Variants in MPPED2 observed in about 807,000 individuals in gnomAD.
MPPED2 encodes metallophosphoesterase domain containing 2.
Under a neutral mutation model 33.0 loss-of-function variants are expected in MPPED2, and 5 were observed. The observed-to-expected ratio is 0.15, with a 90% CI of 0.08 to 0.32. The LOEUF (loss-of-function observed/expected upper bound fraction) is 0.32, where lower values mean the gene tolerates loss of function less well. Ranked by LOEUF, MPPED2 falls within the 10% of genes least tolerant of loss-of-function variation. The probability of loss-of-function intolerance (pLI) is 1.00; values close to 1 mark genes in which losing one functional copy is unlikely to be tolerated. For synonymous variants in MPPED2, 136 were observed against 141.9 expected, an observed-to-expected ratio of 0.96 and a Z score of 0.29; for missense variants, 275 against 372.1, an observed-to-expected ratio of 0.74 and a Z score of 2.15.
At chr11:30,481,485 A>G (rs1951484102) in intron 4 of MPPED2, among the ~76,000 whole-genome samples, 1 of 152,208 alleles carries the variant, frequency 6.6e-6, no homozygotes. Context: ...GCTCTTGAAC[A>G]AAAGCATCCA....
Position 30,520,141 on chromosome 11 carries a change from G to A in MPPED2, c.310+15853C>T, listed in dbSNP as rs529778922. Among the ~76,000 whole-genome samples the A allele has an allele frequency of 3.3e-5, 5 of 152,120 alleles. No homozygotes were observed. The South Asian group carries it at 1.0e-3, about 32-fold the overall frequency. On this transcript the variant is annotated intron_variant, in intron 3 of 6. Transcript: ENST00000358117. ...GAGACAACACAGTTTAATTGTACAC[G>A]TTTATCCTGAAATTAGAAAAAAAGA...
At chr11:30,520,251 G>A (rs1565148642) in intron 3 of MPPED2, among the ~76,000 whole-genome samples, 1 of 152,090 alleles carries the variant, frequency 6.6e-6, no homozygotes, top group Non-Finnish European at 1.5e-5. Context: ...GTTTCATAAT[G>A]TACACAAAAC....
chr11:30,512,420 G>T (rs1462855754), intron 3 of MPPED2, among the ~76,000 whole-genome samples: 1 of 152,084 alleles, frequency 6.6e-6, no homozygotes, highest in African/African-American at 2.4e-5. Flanking sequence ...GGGCAAGTGG[G>T]GTCAAGGGAA....
At chr11:30,384,477 T>C (rs1410915239), downstream of MPPED2, 4 of 101,604 alleles carry the variant, frequency 3.9e-5, no homozygotes, top group East Asian at 1.1e-3. Flanking sequence ...CTTTTTTCTT[T>C]TTTTTTTTTT....
At chr11:30,407,783 A>G (rs191724538), downstream of MPPED2, among the ~76,000 whole-genome samples, 1 of 152,306 alleles carries the variant, frequency 6.6e-6, no homozygotes, top group East Asian at 1.9e-4. Flanking sequence ...AGGCAGGAGA[A>G]TTGCTTGAGC....
intron 2 of MPPED2, among the ~76,000 whole-genome samples, chr11:30,568,758 C>T (rs1394497353): frequency 6.6e-6 from 1 of 152,092 alleles, no homozygotes; most frequent in Admixed American, 6.5e-5. Context: ...TATTTTTTCC[C>T]TCCAATGGGG....
rs189583136 is a variant in MPPED2 at position 30,456,645 on chromosome 11, C to T, written c.536+38651G>A. 2.5e-3 allele frequency among the ~76,000 whole-genome samples: 387 copies of T among 152,224 alleles called. 2 individuals carry two copies. The highest frequency in any genetic ancestry group is 4.2e-3 in the Non-Finnish European group (289 of 68,006). ...GATAAACTTTAAGCAATATTACAAT[C>T]CTGATATTCTGTAACCCTAAGAATC... On this transcript the variant is annotated intron_variant, in intron 4 of 6. Transcript: ENST00000358117.
chr11:30,539,965 T>C (rs1395381274), intron 2 of MPPED2, among the ~76,000 whole-genome samples: 3 of 152,086 alleles, frequency 2.0e-5, no homozygotes, highest in African/African-American at 7.2e-5. Flanking sequence ...GAAGGAGAGC[T>C]CCTTCCTCCC....
At chr11:30,580,172 T>G in intron 2 of MPPED2, 74 bp downstream of exon 2, 1 of 1,454,994 alleles carries the variant, frequency 6.9e-7, no homozygotes, top group Non-Finnish European at 9.5e-7. Flanking sequence ...CAGAAGTTAA[T>G]AGTGAATGCT....
chr11:30,585,332 G>T (rs997758132), intron 1 of MPPED2, among the ~76,000 whole-genome samples: 1 of 152,022 alleles, frequency 6.6e-6, no homozygotes, highest in African/African-American at 2.4e-5. Context: ...GGAGAGTGAG[G>T]TTGGGGCGCG....
intron 1 of MPPED2, among the ~76,000 whole-genome samples, chr11:30,585,483 C>T (rs1403766386): frequency 6.6e-6 from 1 of 152,090 alleles, no homozygotes; most frequent in Non-Finnish European, 1.5e-5. Flanking sequence ...CCGCGGGAGC[C>T]CGGGGATCGG....
chr11:30,473,322 T>C (rs539073707), intron 4 of MPPED2, among the ~76,000 whole-genome samples: 37 of 152,326 alleles, frequency 2.4e-4, no homozygotes, highest in African/African-American at 8.4e-4. Flanking sequence ...TTCGGTTTTG[T>C]CTTTTTATCT....
chr11:30,509,806 T>C (rs916605066), intron 3 of MPPED2, among the ~76,000 whole-genome samples: 1 of 152,154 alleles, frequency 6.6e-6, no homozygotes, highest in Non-Finnish European at 1.5e-5. Flanking sequence ...ATTCCTTCCA[T>C]GGAATGGGAA....
At chr11:30,519,020 C>A (rs140775177) in intron 3 of MPPED2, among the ~76,000 whole-genome samples, 5 of 151,986 alleles carry the variant, frequency 3.3e-5, no homozygotes, top group South Asian at 2.1e-4. Flanking sequence ...GTGGCTCACA[C>A]CTTTAATTCT....
intron 6 of MPPED2, among the ~76,000 whole-genome samples, chr11:30,413,057 C>T (rs1191074022): frequency 6.6e-6 from 1 of 152,180 alleles, no homozygotes; most frequent in Admixed American, 6.5e-5. Flanking sequence ...AAAGCCAGGG[C>T]AGGCCGATAT....
chr11:30,399,098 A>G (rs533218012), intron 6 of MPPED2, among the ~76,000 whole-genome samples: 87 of 152,300 alleles, frequency 5.7e-4, no homozygotes, highest in African/African-American at 2.0e-3. Context: ...ACATAATGTG[A>G]CAAAACAGAT....
intron 3 of MPPED2, among the ~76,000 whole-genome samples, chr11:30,524,929 A>T (rs767786004): frequency 1.9e-4 from 29 of 152,148 alleles, no homozygotes; most frequent in Non-Finnish European, 4.1e-4. Flanking sequence ...GGAAAGAGGG[A>T]ATGATTAAGA....
chr11:30,449,894 A>G (rs1949976096), intron 4 of MPPED2, among the ~76,000 whole-genome samples: 1 of 152,160 alleles, frequency 6.6e-6, no homozygotes, highest in South Asian at 2.1e-4. Flanking sequence ...TGTTCTCACA[A>G]TTCATCTGCC....
At chr11:30,567,624 G>A (rs1956503331) in intron 2 of MPPED2, among the ~76,000 whole-genome samples, 1 of 152,174 alleles carries the variant, frequency 6.6e-6, no homozygotes, top group Admixed American at 6.5e-5. Context: ...GTGTTCTAAA[G>A]TAGTGCCCAA....
Sources: allele counts gnomAD v4.1 joint callset (sites outside exome capture counted in the v4.1 genomes callset), GRCh38; gene constraint gnomAD v4.1.1; transcripts MANE v1.5; gene names NCBI Gene and HGNC (gene_info 2026-07-23, HGNC 2026-07-21).